The following DCAF6 variants were observed in gnomAD, a reference collection of about 807,000 sequenced individuals.
The protein encoded by DCAF6 is DDB1 and CUL4 associated factor 6.
Under a neutral mutation model 125.1 loss-of-function variants are expected in DCAF6, and 54 were observed. That is an observed-to-expected ratio of 0.43 (90% CI 0.35 to 0.54). The LOEUF (loss-of-function observed/expected upper bound fraction) is 0.54, where lower values mean the gene tolerates loss of function less well. Among genes scored for constraint, DCAF6 ranks in the 20% least tolerant of loss-of-function variants. The probability of loss-of-function intolerance (pLI) is 0.01; values close to 1 mark genes in which losing one functional copy is unlikely to be tolerated. For synonymous variants in DCAF6, 371 were observed against 390.4 expected (o/e 0.95, Z 0.58); for missense variants, 934 against 1,161.7 (o/e 0.80, Z 2.85).
intron 21 of DCAF6, among the ~76,000 whole-genome samples, chr1:168,074,198 G>C (rs1031327419): frequency 1.1e-4 from 16 of 151,984 alleles, no homozygotes; most frequent in Non-Finnish European, 2.2e-4. Flanking sequence ...AGTCCCTTCA[G>C]TGTACTGTTC....
chr1:168,014,854 G>T (rs74120598), intron 10 of DCAF6, among the ~76,000 whole-genome samples: 4,571 of 152,188 alleles, frequency 0.03, 237 homozygotes, highest in African/African-American at 0.1. Context: ...TGTTCAAGTG[G>T]TGCCTTATGA....
At chr1:167,926,340 A>C in the DCAF6 span, among the ~76,000 whole-genome samples, 1 of 152,172 alleles carries the variant, frequency 6.6e-6, no homozygotes, top group Non-Finnish European at 1.5e-5. Flanking sequence ...TCTAAGCAGT[A>C]TTGTTCTGGG....
chr1:167,918,343 T>C, the DCAF6 span: 1 of 1,565,900 alleles, frequency 6.4e-7, no homozygotes. Context: ...GCTTTAGCTT[T>C]TAGTTCTTGG....
At chr1:167,984,777 A>G (rs1055609912) in intron 4 of DCAF6, among the ~76,000 whole-genome samples, 2 of 152,172 alleles carry the variant, frequency 1.3e-5, no homozygotes, top group African/African-American at 4.8e-5. Flanking sequence ...GTTCATTGCA[A>G]AATTGGTTCA....
At chr1:167,985,410 C>A (rs934118666) in intron 4 of DCAF6, among the ~76,000 whole-genome samples, 2 of 152,084 alleles carry the variant, frequency 1.3e-5, no homozygotes, top group African/African-American at 4.8e-5. Flanking sequence ...TGGAGCAAGT[C>A]CCCTTCCTCT....
At chr1:168,063,122 A>C (rs1376556109) in intron 17 of DCAF6, among the ~76,000 whole-genome samples, 2 of 151,872 alleles carry the variant, frequency 1.3e-5, no homozygotes, top group Non-Finnish European at 2.9e-5. Context: ...TATTCTTTTT[A>C]CCTAAAGTAG....
intron 4 of DCAF6, among the ~76,000 whole-genome samples, chr1:167,978,328 C>G (rs1678566123): frequency 6.6e-6 from 1 of 152,108 alleles, no homozygotes; most frequent in African/African-American, 2.4e-5. Context: ...ACTTACATTC[C>G]CACCAACAGC....
chr1:168,054,737 T>C (rs1351116071), intron 17 of DCAF6, among the ~76,000 whole-genome samples: 1 of 152,088 alleles, frequency 6.6e-6, no homozygotes, highest in Non-Finnish European at 1.5e-5. Context: ...TTCAAATTAA[T>C]GAGGTTTTCT....
the DCAF6 span, among the ~76,000 whole-genome samples, chr1:167,869,206 G>A: frequency 3.9e-5 from 6 of 152,136 alleles, no homozygotes. Flanking sequence ...CTCTTATATA[G>A]GAGTTATAAT....
chr1:168,007,354 A>T (rs1557966944), intron 10 of DCAF6, among the ~76,000 whole-genome samples: 1 of 152,158 alleles, frequency 6.6e-6, no homozygotes, highest in African/African-American at 2.4e-5. Context: ...TCTCTTAATT[A>T]TCTCACATTC....
At chr1:168,033,677 C>G (rs1687433953) in intron 12 of DCAF6, among the ~76,000 whole-genome samples, 1 of 152,128 alleles carries the variant, frequency 6.6e-6, no homozygotes, top group South Asian at 2.1e-4. Context: ...CACTTCTAAT[C>G]CCCCAAAATG....
chr1:167,920,526 GA>G, the DCAF6 span: 556 of 1,607,312 alleles, frequency 3.5e-4, no homozygotes, highest in Admixed American at 8.4e-4. Context: ...AAGAAACACA[GA>G]AGATATTTAT....
At chr1:167,945,744 C>G (rs1197601985) in intron 1 of DCAF6, among the ~76,000 whole-genome samples, 2 of 151,858 alleles carry the variant, frequency 1.3e-5, no homozygotes, top group East Asian at 3.9e-4. Context: ...TTGTGATCCA[C>G]CCACCTTGGC....
At chr1:167,899,288 G>A in the DCAF6 span, 1 of 865,332 alleles carries the variant, frequency 1.2e-6, no homozygotes, top group South Asian at 1.4e-5. Flanking sequence ...AGCCTCTGTA[G>A]CCTAACCCAG....
At position 167,968,932 on chromosome 1, in the gene DCAF6, T is replaced by A. The variant is rs191987266; in HGVS notation, c.252+2211T>A. ...TCTTACCTTTATCTGCTTCTTGGTATTATTGCAATGTGAAATTTACTTCAT... is the reference window on the plus strand; with the variant it reads ...TCTTACCTTTATCTGCTTCTTGGTAATATTGCAATGTGAAATTTACTTCAT... On this transcript the variant is annotated intron_variant, in intron 3 of 21. Transcript: ENST00000367840. Among the ~76,000 whole-genome samples, 196 of 152,334 alleles carry A rather than the reference T, an allele frequency of 1.3e-3. 1 individual carries two copies. The South Asian group carries it at 0.023, about 18-fold the overall frequency.
chr1:168,014,099 A>C (rs911786732), intron 10 of DCAF6, among the ~76,000 whole-genome samples: 1 of 152,158 alleles, frequency 6.6e-6, no homozygotes, highest in Non-Finnish European at 1.5e-5. Flanking sequence ...GTTCTCCACT[A>C]ATAGCAAGAG....
In DCAF6 at chr1:168,065,593, AAAG is replaced by A; in HGVS notation, c.2447_2449del (p.Glu816del). The A allele has an allele frequency of 6.3e-7, 1 of 1,586,864 alleles. No homozygotes were observed. The highest frequency in any genetic ancestry group is 8.6e-7 in the Non-Finnish European group (1 of 1,165,742). ...AATAATTTTTTTTAACCCTTAGATAAAAGAAGCCAATTTCTGGGGTGCTAACTT... is the reference window on the plus strand; with the variant it reads ...AATAATTTTTTTTAACCCTTAGATAAAAGCCAATTTCTGGGGTGCTAACTT... On this transcript the variant is annotated inframe_deletion, in exon 19 of 22. Coordinates refer to ENST00000367840, the MANE Select transcript of DCAF6 (RefSeq NM_001198956.2).
chr1:168,035,765 A>G (rs1274199940), intron 12 of DCAF6, among the ~76,000 whole-genome samples: 1 of 152,150 alleles, frequency 6.6e-6, no homozygotes, highest in Non-Finnish European at 1.5e-5. Flanking sequence ...CTGAGAGATT[A>G]AATAAGAACT....
chr1:167,986,846 C>T (rs1247744113), intron 4 of DCAF6, among the ~76,000 whole-genome samples: 1 of 152,082 alleles, frequency 6.6e-6, no homozygotes, highest in Non-Finnish European at 1.5e-5. Context: ...TAGAGAGCCT[C>T]AACTTACAAT....
Sources: allele counts gnomAD v4.1 joint callset (sites outside exome capture counted in the v4.1 genomes callset), GRCh38; gene constraint gnomAD v4.1.1; transcripts MANE v1.5; gene names NCBI Gene and HGNC (gene_info 2026-07-23, HGNC 2026-07-21).